Variants in THRB observed in about 807,000 individuals in gnomAD.
THRB encodes nuclear receptor subfamily 1 group A member 2.
A neutral mutation model predicts 47.8 loss-of-function variants in THRB; 12 were observed. That is an observed-to-expected ratio of 0.25 (90% confidence interval 0.16 to 0.41). The LOEUF is 0.41. Among genes scored for constraint, THRB ranks in the 10% least tolerant of loss-of-function variants. The pLI, the probability that THRB is intolerant of heterozygous loss-of-function variation, is 1.00. For missense variants in THRB, 348 were observed against 589.2 expected, an observed-to-expected ratio of 0.59 and a Z score of 4.24; for synonymous variants, 218 against 212.2, an observed-to-expected ratio of 1.03 and a Z score of -0.24.
intron 1 of THRB, among the ~76,000 whole-genome samples, chr3:24,425,955 T>G (rs2069719759): frequency 6.6e-6 from 1 of 152,010 alleles, no homozygotes; most frequent in Non-Finnish European, 1.5e-5. Context: ...TGGATTTGAA[T>G]TCCCACTCTA....
intron 5 of THRB, among the ~76,000 whole-genome samples, chr3:24,186,286 G>T (rs13099888): frequency 0.12 from 17,536 of 152,180 alleles, 1,374 homozygotes; most frequent in Non-Finnish European, 0.17. Context: ...GCCACTGATT[G>T]GTACTACCAC....
At chr3:24,360,135 A>C (rs765597570) in intron 1 of THRB, among the ~76,000 whole-genome samples, 1 of 152,084 alleles carries the variant, frequency 6.6e-6, no homozygotes, top group Non-Finnish European at 1.5e-5. Flanking sequence ...AATTCCAGTG[A>C]TAGTAGCAAC....
intron 1 of THRB, among the ~76,000 whole-genome samples, chr3:24,368,888 T>C (rs2064698980): frequency 6.6e-6 from 1 of 152,200 alleles, no homozygotes; most frequent in African/African-American, 2.4e-5. Flanking sequence ...ATTTTCTCAT[T>C]AAACCCTTGC....
intron 2 of THRB, among the ~76,000 whole-genome samples, chr3:24,305,073 A>C (rs1371183896): frequency 2.0e-5 from 3 of 152,372 alleles, no homozygotes; most frequent in African/African-American, 7.2e-5. Context: ...TAAAGAACAG[A>C]TAATTCCAAT....
intron 2 of THRB, among the ~76,000 whole-genome samples, chr3:24,325,681 T>A (rs1191925693): frequency 6.6e-6 from 1 of 152,004 alleles, no homozygotes; most frequent in African/African-American, 2.4e-5. Flanking sequence ...AGTGAGAGAC[T>A]CTGTCTAAAA....
intron 1 of THRB, among the ~76,000 whole-genome samples, chr3:24,412,024 TA>T (rs1357604459): frequency 3.3e-5 from 5 of 151,754 alleles, no homozygotes; most frequent in Non-Finnish European, 4.4e-5. Context: ...AATTTGGAGA[TA>T]GGATAGGTGC....
chr3:24,299,790 T>TA (rs1553700350), intron 2 of THRB, among the ~76,000 whole-genome samples: 1 of 89,500 alleles, frequency 1.1e-5, no homozygotes, highest in Non-Finnish European at 2.6e-5. Flanking sequence ...TATTTATTTA[T>TA]TTTTTTTTTT....
At chr3:24,278,370 T>C (rs942113911) in intron 3 of THRB, among the ~76,000 whole-genome samples, 1 of 152,214 alleles carries the variant, frequency 6.6e-6, no homozygotes, top group African/African-American at 2.4e-5. Context: ...TGAGAAGTTA[T>C]GTAATATATT....
chr3:24,368,379 A>G (rs1158459559), intron 1 of THRB, among the ~76,000 whole-genome samples: 1 of 152,158 alleles, frequency 6.6e-6, no homozygotes, highest in African/African-American at 2.4e-5. Flanking sequence ...CAGGAGGAGA[A>G]GATTCTTCTT....
At chr3:24,280,914 C>T (rs2054515633) in intron 3 of THRB, among the ~76,000 whole-genome samples, 1 of 147,836 alleles carries the variant, frequency 6.8e-6, no homozygotes, top group Admixed American at 6.7e-5. Flanking sequence ...ATGAACAAAG[C>T]CTCCAAGAAA....
At chr3:24,287,350 T>C (rs2055417523) in intron 3 of THRB, among the ~76,000 whole-genome samples, 1 of 152,226 alleles carries the variant, frequency 6.6e-6, no homozygotes, top group East Asian at 1.9e-4. Flanking sequence ...AAAAAGAACC[T>C]GCAGTTGGAC....
chr3:24,336,690 C>T (rs542902581), intron 2 of THRB, among the ~76,000 whole-genome samples: 6 of 151,468 alleles, frequency 4.0e-5, no homozygotes, highest in South Asian at 4.2e-4. Flanking sequence ...CTATCTGACT[C>T]GCTGGAACCA....
At chr3:24,394,577 T>C (rs1054293488) in intron 1 of THRB, among the ~76,000 whole-genome samples, 2 of 152,030 alleles carry the variant, frequency 1.3e-5, no homozygotes. Flanking sequence ...GAGAAGAAAA[T>C]GTCATAACCT....
intron 3 of THRB, among the ~76,000 whole-genome samples, chr3:24,278,620 C>G (rs2054189100): frequency 6.6e-6 from 1 of 152,142 alleles, no homozygotes; most frequent in African/African-American, 2.4e-5. Context: ...TAAATTGCAA[C>G]ATTTGAGACA....
intron 5 of THRB, chr3:24,164,947 G>A (rs961115700): frequency 7.8e-6 from 5 of 642,902 alleles, no homozygotes; most frequent in Admixed American, 2.5e-5. Flanking sequence ...ATTTGACGAA[G>A]CTGATGTAAA....
intron 4 of THRB, among the ~76,000 whole-genome samples, chr3:24,222,604 C>T (rs1488614850): frequency 6.6e-6 from 1 of 152,186 alleles, no homozygotes; most frequent in East Asian, 1.9e-4. Context: ...AATTTAAAGA[C>T]TTTCTGTGTG....
At chr3:24,211,569 T>C (rs1030506154) in intron 4 of THRB, among the ~76,000 whole-genome samples, 13 of 152,214 alleles carry the variant, frequency 8.5e-5, no homozygotes, top group African/African-American at 3.1e-4. Flanking sequence ...GTGTAGGCTT[T>C]TATCTTAAGC....
At chr3:24,181,070 T>C (rs2041836521) in intron 5 of THRB, among the ~76,000 whole-genome samples, 2 of 152,174 alleles carry the variant, frequency 1.3e-5, no homozygotes, top group Non-Finnish European at 2.9e-5. Context: ...AAGACTCCTA[T>C]TTTCCTGGGA....
At chr3:24,185,444 A>C (rs576951258) in intron 5 of THRB, among the ~76,000 whole-genome samples, 2 of 149,352 alleles carry the variant, frequency 1.3e-5, no homozygotes, top group Admixed American at 6.6e-5. Context: ...AAATTTGTAG[A>C]AATTTTTTTT....
Sources: gnomAD v4.1 joint callset for allele counts (sites outside exome capture counted in the v4.1 genomes callset) on GRCh38, gnomAD v4.1.1 for gene constraint, MANE v1.5 for transcripts, NCBI Gene and HGNC (gene_info 2026-07-23, HGNC 2026-07-21) for gene names.